The following ZNF318 variants were observed in gnomAD, a reference collection of about 807,000 sequenced individuals.
The protein encoded by ZNF318 is endocrine regulator.
In ZNF318, 51 loss-of-function variants were observed where a neutral mutation model predicts 124.2. That is an observed-to-expected ratio of 0.41 (90% CI 0.33 to 0.52). The LOEUF (loss-of-function observed/expected upper bound fraction) is 0.52. Ranked by LOEUF, ZNF318 falls within the 20% of genes least tolerant of loss-of-function variation. The pLI, the probability that ZNF318 is intolerant of heterozygous loss-of-function variation, is 0.23. For missense variants in ZNF318, 2,815 were observed against 2,811.2 expected, an observed-to-expected ratio of 1.00 and a Z score of -0.03; for synonymous variants, 1,090 against 1,040.7, an observed-to-expected ratio of 1.05 and a Z score of -0.91.
chr6:43,360,500 TA>T (rs1031173050), intron 2 of ZNF318, among the ~76,000 whole-genome samples: 33 of 152,284 alleles, frequency 2.2e-4, no homozygotes, highest in African/African-American at 7.9e-4. Flanking sequence ...TCTATCTATT[TA>T]AAAAAACTGA....
At chr6:43,349,386 CTTTTTTTTT>C (rs369338217) in intron 5 of ZNF318, among the ~76,000 whole-genome samples, 1 of 124,176 alleles carries the variant, frequency 8.1e-6, no homozygotes, top group African/African-American at 2.9e-5. Context: ...TCTGGTTTAT[CTTTTTTTTT>C]TTTTTTTTTT....
chr6:43,355,584 C>T lies in ZNF318; in HGVS notation c.1750G>A (p.Glu584Lys), dbSNP rs777238888. The T allele has an allele frequency of 6.2e-7, 1 of 1,614,212 alleles. No homozygotes were observed. Among genetic ancestry groups the T allele is most frequent in the Non-Finnish European group, 8.5e-7 (1 of 1,180,036 alleles). Residue 584 changes from glutamate to lysine, a missense_variant, in exon 4 of 10, where the codon GAG (glutamate) becomes AAG (lysine). Around this residue, in one of 4 missense-constraint regions of ZNF318, gnomAD observed 1,377 missense variants for 1,353.5 expected, o/e 1.02. Coordinates refer to ENST00000361428, the MANE Select transcript of ZNF318 (RefSeq NM_014345.3). ...APAVKLESLE[E>K]TNPEYAKIHD... The stretch of plus-strand genomic sequence containing the variant: ...ATCTTCGCATATTCTGGATTGGTCT[C>T]TTCTAGTGATTCTAGCTTTACAGCT...
chr6:43,352,782 C>T (rs2150753525), intron 4 of ZNF318, among the ~76,000 whole-genome samples: 1 of 152,300 alleles, frequency 6.6e-6, no homozygotes, highest in African/African-American at 2.4e-5. Context: ...ATAAAGGAAC[C>T]ATATGTGTTA....
Position 43,337,951 on chromosome 6 carries a change from T to C in ZNF318, c.6047A>G (p.Asn2016Ser), listed in dbSNP as rs1779310897. The C allele has an allele frequency of 6.2e-7, 1 of 1,614,190 alleles. No homozygotes were observed. The highest frequency in any genetic ancestry group is 8.5e-7 in the Non-Finnish European group (1 of 1,180,034). Residue 2016 changes from asparagine to serine, a missense_variant, in exon 10 of 10, where the codon AAT (asparagine) becomes AGT (serine). Physicochemically the swap from Asn to Ser is conservative, Grantham distance 46. Transcript: ENST00000361428. ...LKVEELTALG[N>S]LGDMPVDFCT... ...GAAATCAACAGGCATATCCCCCAGA[T>C]TCCCCAGGGCAGTAAGCTCCTCTAC...
chr6:43,340,955 G>C, intron 8 of ZNF318, 47 bp from the exon 9 acceptor site: 1 of 1,375,762 alleles, frequency 7.3e-7, no homozygotes, highest in Non-Finnish European at 1.0e-6. Flanking sequence ...ATTCCACCCA[G>C]AATGACAGCA....
chr6:43,352,173 AT>A (rs1272490241), intron 5 of ZNF318, among the ~76,000 whole-genome samples: 3 of 56,760 alleles, frequency 5.3e-5, no homozygotes, highest in African/African-American at 2.1e-4. Context: ...CATCATCATC[AT>A]CATCATCATC....
chr6:43,359,812 G>A (rs988361018), intron 2 of ZNF318, among the ~76,000 whole-genome samples: 1 of 152,168 alleles, frequency 6.6e-6, no homozygotes, highest in Admixed American at 6.5e-5. Context: ...TGGGAATCCA[G>A]GTTTCTGTTA....
Position 43,337,968 on chromosome 6 carries a change from C to A in ZNF318, c.6030G>T (p.Glu2010Asp), listed in dbSNP as rs752609544. The A allele has an allele frequency of 6.2e-7, 1 of 1,614,094 alleles. No homozygotes were observed. The highest frequency in any genetic ancestry group is 8.5e-7 in the Non-Finnish European group (1 of 1,180,040). The stretch of plus-strand genomic sequence containing the variant: ...CCCCCAGATTCCCCAGGGCAGTAAG[C>A]TCCTCTACCTTTAAGTCTGTAGCTT... ...DFEATDLKVE[E>D]LTALGNLGDM... The change falls in exon 10 of 10, where the codon GAG becomes GAT. Residue 2010 changes from glutamate to aspartate, a missense_variant. This residue lies in a region of ZNF318 where 927 missense variants were observed against 820.6 expected (regional missense o/e 1.13). Transcript: ENST00000361428.
In ZNF318 at chr6:43,357,181, T is replaced by C. The variant is rs1404735497; in HGVS notation, c.1133A>G (p.Lys378Arg). The C allele has an allele frequency of 6.2e-7, 1 of 1,614,180 alleles. No individual in the cohort carries two copies. The highest frequency in any genetic ancestry group is 8.5e-7 in the Non-Finnish European group (1 of 1,180,028). ...HRPEEVSVMPKKSILKKRIEV... is the reference protein window; with the variant it reads ...HRPEEVSVMPRKSILKKRIEV... Reference sequence around the variant, plus strand: ...AATCCGCTTCTTCAAAATGGATTTCTTGGGCATCACAGATACTTCCTCAGG... The same window carrying C: ...AATCCGCTTCTTCAAAATGGATTTCCTGGGCATCACAGATACTTCCTCAGG... Residue 378 changes from lysine to arginine, a missense_variant, in exon 3 of 10, where the codon AAG becomes AGG. By Grantham distance (26) the Lys-to-Arg change is conservative. This residue lies in a region of ZNF318 where 1,377 missense variants were observed against 1,353.5 expected (regional missense o/e 1.02). Coordinates refer to ENST00000361428, the MANE Select transcript of ZNF318 (RefSeq NM_014345.3).
chr6:43,342,877 T>C lies in ZNF318; in HGVS notation c.3075A>G (p.Glu1025=), dbSNP rs1388812616. The C allele has an allele frequency of 1.2e-6, 2 of 1,608,332 alleles. No homozygotes were observed. Among genetic ancestry groups the C allele is most frequent in the South Asian group, 1.1e-5 (1 of 90,728 alleles). Residue 1025 remains glutamate (E), a splice_region_variant and synonymous_variant, in exon 7 of 10, where the codon GAA becomes GAG. Transcript: ENST00000361428. ...SSFSNSSSNK[E]SKVNNEKFRT... ...GAAACTTCTCATTGTTTACTTTTGA[T>C]TCCTAGAGGGGAAAAATCTGTACTT...
chr6:43,352,186 C>CAT (rs1562132296), intron 5 of ZNF318, among the ~76,000 whole-genome samples, 191 bp downstream of exon 5: 2 of 99,980 alleles, frequency 2.0e-5, no homozygotes, highest in East Asian at 5.2e-4. Context: ...ATCATCATCA[C>CAT]CACCACCATC....
In ZNF318 at chr6:43,340,759, G is replaced by T. The variant is rs780007331; in HGVS notation, c.3495+31C>A. 6.3e-6 allele frequency: 10 copies of T among 1,580,450 alleles called. No homozygotes were observed. In the Admixed American group the frequency reaches 1.4e-4, roughly 22 times the overall value. ...TCAAAATAATTACTTCAGAAAAGTT[G>T]GAAACTCCACAGCCTACTACAAAGA... On this transcript the variant is annotated intron_variant, in intron 9 of 9. Transcript: ENST00000361428.
In ZNF318 at chr6:43,337,669, G is replaced by GT; in HGVS notation, c.6328dup (p.Thr2110AsnfsTer5). On this transcript the variant is annotated frameshift_variant, in exon 10 of 10. Transcript: ENST00000361428. LOFTEE classifies it high-confidence loss of function. The stretch of plus-strand genomic sequence containing the variant: ...CCCCAAGCCACGGTCAACATTTTCT[G>GT]TAAGTCCAGTTTTCAAAATGTTAGG... The GT allele has an allele frequency of 6.2e-7, 1 of 1,614,128 alleles. No individual in the cohort carries two copies. Among genetic ancestry groups the GT allele is most frequent in the Non-Finnish European group, 8.5e-7 (1 of 1,180,014 alleles).
In ZNF318 at chr6:43,338,732, T is replaced by G. The variant is rs748931396; in HGVS notation, c.5266A>C (p.Asn1756His). ...LVEIHLRESV[N>H]QDKESQELRK... ...AGCTCTTGGCTTTCCTTATCCTGGT[T>G]AACAGATTCTCTGAGGTGGATTTCT... is the stretch of plus-strand genomic sequence containing the variant. The change falls in exon 10 of 10, where the codon AAC (asparagine) becomes CAC (histidine). Residue 1756 changes from asparagine (N) to histidine (H), a missense_variant. Transcript: ENST00000361428. 1 of 1,614,184 alleles carries G rather than the reference T, an allele frequency of 6.2e-7. No homozygotes were observed. The highest frequency in any genetic ancestry group is 1.1e-5 in the South Asian group (1 of 91,080).
intron 6 of ZNF318, 89 bp from the exon 7 acceptor site, chr6:43,342,968 AAT>A: frequency 9.5e-7 from 1 of 1,054,932 alleles, no homozygotes; most frequent in Non-Finnish European, 1.4e-6. Context: ...TAATAATAGA[AAT>A]AGGGCCATAT....
chr6:43,360,477 TTCTAAAATAAAGTCTA>T (rs571481082), intron 2 of ZNF318, among the ~76,000 whole-genome samples: 3 of 152,302 alleles, frequency 2.0e-5, no homozygotes, highest in Admixed American at 2.0e-4. Flanking sequence ...TTCAACTGTT[TTCTAAAATAAAGTCTA>T]TCTATTTAAA....
intron 2 of ZNF318, chr6:43,363,759 G>A: frequency 1.6e-6 from 1 of 643,846 alleles, no homozygotes; most frequent in South Asian, 1.8e-5. Context: ...TGCAGAAGCA[G>A]ACCCACACTG....
At chr6:43,360,836 G>T (rs1779671565) in intron 2 of ZNF318, among the ~76,000 whole-genome samples, 1 of 152,140 alleles carries the variant, frequency 6.6e-6, no homozygotes, top group Admixed American at 6.5e-5. Flanking sequence ...AGTCACAAAA[G>T]ACCACATATT....
At chr6:43,362,820 A>C (rs1189756785) in intron 2 of ZNF318, among the ~76,000 whole-genome samples, 1 of 152,130 alleles carries the variant, frequency 6.6e-6, no homozygotes, top group African/African-American at 2.4e-5. Context: ...TCTACATACA[A>C]AGGATATAAA....
Sources: gnomAD v4.1 joint callset for allele counts (sites outside exome capture counted in the v4.1 genomes callset) on GRCh38, gnomAD v4.1.1 for gene constraint, gnomAD v4.1.1 regional missense constraint, MANE v1.5 for transcripts, NCBI Gene and HGNC (gene_info 2026-07-23, HGNC 2026-07-21) for gene names.